Variants in TMC5 observed in about 807,000 individuals in gnomAD.
TMC5 encodes the protein transmembrane channel like 5.
TMC5 carries 86 observed loss-of-function variants against 110.5 expected under a neutral mutation model. The observed-to-expected ratio is 0.78, with a 90% CI of 0.65 to 0.93. The LOEUF (loss-of-function observed/expected upper bound fraction) is 0.93, where lower values mean the gene tolerates loss of function less well. TMC5 is among the 40% of genes least tolerant of loss of function. The probability of loss-of-function intolerance (pLI) is 0.00; values close to 1 mark genes in which losing one functional copy is unlikely to be tolerated. For synonymous variants in TMC5, 455 were observed against 439.5 expected (o/e 1.04, Z -0.44); for missense variants, 1,144 against 1,222.8 (o/e 0.94, Z 0.96).
intron 20 of TMC5, among the ~76,000 whole-genome samples, chr16:19,496,887 CAAAAAAAAAA>C (rs67040638): frequency 1.2e-5 from 1 of 80,244 alleles, no homozygotes; most frequent in African/African-American, 5.2e-5. Context: ...AAGACTCTGT[CAAAAAAAAAA>C]AAAAAAAAAA....
chr16:19,420,009 G>A (rs1024047074), intron 1 of TMC5, among the ~76,000 whole-genome samples: 1 of 152,084 alleles, frequency 6.6e-6, no homozygotes, highest in African/African-American at 2.4e-5. Flanking sequence ...AATATTTATA[G>A]GGAGTGTAGT....
chr16:19,427,438 CGAGACCCTGTCTCT>C (rs1967107918), intron 1 of TMC5, among the ~76,000 whole-genome samples: 1 of 152,122 alleles, frequency 6.6e-6, no homozygotes, highest in East Asian at 1.9e-4. Context: ...AGTGACAAAA[CGAGACCCTGTCTCT>C]GAAAGAAGAA....
chr16:19,460,420 T>A (rs192755498), intron 6 of TMC5, 86 bp downstream of exon 6: 11 of 930,026 alleles, frequency 1.2e-5, no homozygotes, highest in Non-Finnish European at 1.8e-5. Context: ...AGATAAGAAA[T>A]AAATAAGCAC....
In TMC5 at chr16:19,456,213, A is replaced by AT. The variant is rs1417944175; in HGVS notation, c.1049-4022_1049-4021insT. ...CATAGCGAGACTCCATCTCAAAAAA[A>AT]AAAATATATATATACACACATTTAG... On this transcript the variant is annotated intron_variant, in intron 5 of 21. Coordinates refer to ENST00000542583, the MANE Select transcript of TMC5 (RefSeq NM_001261841.2). Among the ~76,000 whole-genome samples the AT allele has an allele frequency of 3.1e-3, 447 of 144,322 alleles. 2 individuals carry two copies. Among genetic ancestry groups the AT allele is most frequent in the African/African-American group, 0.011 (394 of 35,592 alleles). 94.7% of individuals were successfully genotyped at this position (144,322 alleles called of 152,430 possible).
chr16:19,413,572 T>C (rs1966863384), upstream of TMC5, among the ~76,000 whole-genome samples: 1 of 139,416 alleles, frequency 7.2e-6, no homozygotes, highest in Non-Finnish European at 1.5e-5. Flanking sequence ...CAGGGCAGTT[T>C]CTGGGGACAG....
upstream of TMC5, among the ~76,000 whole-genome samples, chr16:19,413,968 C>T (rs917039693): frequency 2.6e-5 from 4 of 152,182 alleles, no homozygotes; most frequent in East Asian, 1.9e-4. Flanking sequence ...CACACATAGA[C>T]GGTGACAGAA....
chr16:19,488,397 G>A (rs1597216453), intron 17 of TMC5, among the ~76,000 whole-genome samples: 1 of 152,208 alleles, frequency 6.6e-6, no homozygotes, highest in East Asian at 1.9e-4. Context: ...CCAGAATGGG[G>A]AGATGCCCCC....
At chr16:19,468,548 TTTGC>T (rs1314736316) in intron 9 of TMC5, among the ~76,000 whole-genome samples, 21 of 152,066 alleles carry the variant, frequency 1.4e-4, no homozygotes, top group Non-Finnish European at 5.9e-5. Context: ...CAAAAGGGAC[TTTGC>T]AGATGTGACT....
intron 12 of TMC5, among the ~76,000 whole-genome samples, chr16:19,475,304 C>T (rs1276423731): frequency 6.6e-6 from 1 of 152,006 alleles, no homozygotes; most frequent in Non-Finnish European, 1.5e-5. Flanking sequence ...TGTCTGTAAT[C>T]CCAGCTACTT....
chr16:19,449,827 C>T (rs1967707731), intron 5 of TMC5, among the ~76,000 whole-genome samples, 196 bp downstream of exon 5: 1 of 150,134 alleles, frequency 6.7e-6, no homozygotes, highest in Non-Finnish European at 1.5e-5. Flanking sequence ...CACCCACTCT[C>T]TCTCCTGCCC....
intron 19 of TMC5, among the ~76,000 whole-genome samples, chr16:19,492,657 G>A (rs1208536280): frequency 6.6e-6 from 1 of 151,736 alleles, no homozygotes; most frequent in Non-Finnish European, 1.5e-5. Context: ...TGTTGGCCAG[G>A]CTGGTCTCGA....
intron 20 of TMC5, among the ~76,000 whole-genome samples, chr16:19,495,096 G>A (rs1969020669): frequency 4.3e-5 from 1 of 23,228 alleles, no homozygotes; most frequent in African/African-American, 8.6e-5. Flanking sequence ...CGCACTGCAA[G>A]CTCCGCCTCC....
intron 14 of TMC5, among the ~76,000 whole-genome samples, chr16:19,480,018 C>G (rs1968579443): frequency 6.6e-6 from 1 of 151,724 alleles, no homozygotes; most frequent in Non-Finnish European, 1.5e-5. Context: ...TAGATAATTT[C>G]AATATTCTAG....
chr16:19,446,920 A>T (rs933400780), intron 4 of TMC5, among the ~76,000 whole-genome samples: 4 of 152,152 alleles, frequency 2.6e-5, no homozygotes, highest in Non-Finnish European at 5.9e-5. Context: ...CTTAAGGAGA[A>T]CCTGTATTCA....
Position 19,494,384 on chromosome 16 carries a change from C to CT in TMC5, c.2931+20dup. ...AGGTGGAGGTGAGTCTGGAGGCTGCCTTGGGGACCCCTGGGACACGAGCTT... is the reference window on the plus strand; with the variant it reads ...AGGTGGAGGTGAGTCTGGAGGCTGCCTTTGGGGACCCCTGGGACACGAGCTT... On this transcript the variant is annotated intron_variant, in intron 20 of 21. Coordinates refer to ENST00000542583, the MANE Select transcript of TMC5 (RefSeq NM_001261841.2). The CT allele has an allele frequency of 1.3e-6, 2 of 1,598,730 alleles. No individual in the cohort carries two copies. The highest frequency in any genetic ancestry group is 8.6e-7 in the Non-Finnish European group (1 of 1,168,788).
chr16:19,448,705 TTAA>T (rs1169686843), intron 4 of TMC5, among the ~76,000 whole-genome samples: 3 of 138,366 alleles, frequency 2.2e-5, no homozygotes, highest in African/African-American at 7.9e-5. Context: ...TATATATATT[TTAA>T]TATATTATAT....
chr16:19,481,251 G>A (rs1968611247), intron 14 of TMC5, 119 bp from the exon 15 acceptor site: 2 of 738,886 alleles, frequency 2.7e-6, no homozygotes, highest in South Asian at 1.6e-5. Flanking sequence ...ATTTTCAAGG[G>A]AACTTACGAC....
At chr16:19,446,281 A>G (rs950564709) in intron 4 of TMC5, among the ~76,000 whole-genome samples, 17 of 152,228 alleles carry the variant, frequency 1.1e-4, no homozygotes, top group Admixed American at 1.0e-3. Context: ...AAGGCCAGAA[A>G]AAAATCTCAC....
chr16:19,494,461 A>G (rs1458383075), intron 20 of TMC5, 95 bp downstream of exon 20: 3 of 770,820 alleles, frequency 3.9e-6, no homozygotes, highest in Non-Finnish European at 6.6e-6. Context: ...TCTTGGGATC[A>G]TGGAAGGGCC....
Sources: allele counts gnomAD v4.1 joint callset (sites outside exome capture counted in the v4.1 genomes callset), GRCh38; gene constraint gnomAD v4.1.1; transcripts MANE v1.5; gene names NCBI Gene and HGNC (gene_info 2026-07-23, HGNC 2026-07-21).